Variants in CLVS1 observed in about 807,000 individuals in gnomAD.
CLVS1 encodes the protein clavesin 1.
CLVS1 carries 10 observed loss-of-function variants against 33.1 expected under a neutral mutation model. That is an observed-to-expected ratio of 0.30 (90% CI 0.19 to 0.51). CLVS1 has a LOEUF of 0.51. CLVS1 is among the 20% of genes least tolerant of loss of function. CLVS1 has a pLI of 0.97. For synonymous variants in CLVS1, 163 were observed against 166.1 expected (o/e 0.98, Z 0.14); for missense variants, 343 against 433.4 (o/e 0.79, Z 1.85).
chr8:61,238,089 C>T (rs573961350), intron 2 of CLVS1, among the ~76,000 whole-genome samples: 92 of 152,288 alleles, frequency 6.0e-4, no homozygotes, highest in Middle Eastern at 6.8e-3. Context: ...CACACCTCTT[C>T]CTGACACAGC....
intron 3 of CLVS1, among the ~76,000 whole-genome samples, chr8:61,413,047 A>G (rs1815294693): frequency 6.6e-6 from 1 of 152,004 alleles, no homozygotes; most frequent in South Asian, 2.1e-4. Context: ...TTTTGATTTA[A>G]TCTATGTATG....
intron 2 of CLVS1, among the ~76,000 whole-genome samples, chr8:61,166,874 T>A (rs1806876567): frequency 1.2e-5 from 1 of 85,114 alleles, no homozygotes; most frequent in Non-Finnish European, 2.5e-5. Flanking sequence ...TAGGTCATAA[T>A]TTTTTTCTTT....
At chr8:61,382,621 T>C (rs1453906052) in intron 3 of CLVS1, among the ~76,000 whole-genome samples, 1 of 152,210 alleles carries the variant, frequency 6.6e-6, no homozygotes, top group African/African-American at 2.4e-5. Context: ...TAGAACGTGA[T>C]GGATATCAAC....
chr8:61,205,364 G>T (rs62525830), intron 2 of CLVS1, among the ~76,000 whole-genome samples: 5 of 152,070 alleles, frequency 3.3e-5, no homozygotes, highest in Non-Finnish European at 7.4e-5. Context: ...TCACATCAAT[G>T]GAATCATACA....
chr8:61,491,924 T>C lies in CLVS1; in HGVS notation c.978-7531T>C, dbSNP rs558181787. ...CCAGTTAGAATTTAAATAACAACAG[T>C]GATACTAAGGACATGGGTCTCCTAT... is the stretch of plus-strand genomic sequence containing the variant. On this transcript the variant is annotated intron_variant, in intron 5 of 5. Coordinates refer to ENST00000325897, the MANE Select transcript of CLVS1 (RefSeq NM_173519.3). 3.4e-4 allele frequency among the ~76,000 whole-genome samples: 52 copies of C among 152,144 alleles called. 1 individual carries two copies. The highest frequency in any genetic ancestry group is 6.3e-4 in the Non-Finnish European group (43 of 68,034).
At chr8:61,350,137 T>C (rs1812390413) in intron 2 of CLVS1, among the ~76,000 whole-genome samples, 1 of 152,148 alleles carries the variant, frequency 6.6e-6, no homozygotes, top group African/African-American at 2.4e-5. Context: ...TTGTACATGC[T>C]TGTTAGATGT....
intron 2 of CLVS1, among the ~76,000 whole-genome samples, chr8:61,310,267 C>CA (rs1810786661): frequency 6.6e-6 from 1 of 152,098 alleles, no homozygotes; most frequent in South Asian, 2.1e-4. Context: ...TAAAAGCAAA[C>CA]AATATTGAGT....
rs1810593000 is a variant in CLVS1 at position 61,305,571 on chromosome 8, C to T, written c.455+5289C>T. On this transcript the variant is annotated intron_variant, in intron 2 of 5. Transcript: ENST00000325897. ...ATAAACTCTATTTTCTCTTTTTTAA[C>T]TTTTAAGTTCAGGTACATGTGCAGG... Among the ~76,000 whole-genome samples the T allele has an allele frequency of 2.6e-5, 4 of 151,992 alleles. No individual in the cohort carries two copies. The South Asian group carries it at 8.3e-4, about 32-fold the overall frequency.
At chr8:61,339,667 G>C (rs976458603) in intron 2 of CLVS1, among the ~76,000 whole-genome samples, 1 of 151,756 alleles carries the variant, frequency 6.6e-6, no homozygotes, top group East Asian at 1.9e-4. Context: ...GTAACCCTCA[G>C]GCAAGCTGAT....
upstream of CLVS1, among the ~76,000 whole-genome samples, chr8:61,054,827 A>T (rs989273230): frequency 2.6e-5 from 4 of 152,168 alleles, no homozygotes; most frequent in African/African-American, 9.7e-5. Flanking sequence ...CACACCGATA[A>T]GGATAAAATA....
intron 2 of CLVS1, among the ~76,000 whole-genome samples, chr8:61,270,248 T>C (rs1176849510): frequency 6.6e-6 from 1 of 152,040 alleles, no homozygotes; most frequent in African/African-American, 2.4e-5. Context: ...TGTCAAAGGC[T>C]TTTTCTGCAT....
chr8:61,339,922 T>G (rs909679282), intron 2 of CLVS1, among the ~76,000 whole-genome samples: 17 of 94,782 alleles, frequency 1.8e-4, no homozygotes, highest in South Asian at 1.3e-3. Context: ...AGAAAGAGAG[T>G]GAAAGAAAGA....
chr8:61,307,010 TCCTA>T (rs1480957080), intron 2 of CLVS1, among the ~76,000 whole-genome samples: 1 of 152,200 alleles, frequency 6.6e-6, no homozygotes, highest in Non-Finnish European at 1.5e-5. Flanking sequence ...GTTTTAGTGA[TCCTA>T]CCTATTATGT....
intron 2 of CLVS1, chr8:61,202,946 C>G: frequency 7.0e-7 from 1 of 1,435,764 alleles, no homozygotes; most frequent in Non-Finnish European, 9.7e-7. Context: ...GATACTCCAG[C>G]CAAAAATGCA....
At chr8:61,442,302 G>A (rs1816581512) in intron 3 of CLVS1, among the ~76,000 whole-genome samples, 3 of 152,288 alleles carry the variant, frequency 2.0e-5, no homozygotes, top group Admixed American at 1.3e-4. Context: ...GCCAAGCAGT[G>A]TTCCATGGTC....
At chr8:61,236,082 GCC>G (rs1396588613) in intron 2 of CLVS1, among the ~76,000 whole-genome samples, 2 of 152,162 alleles carry the variant, frequency 1.3e-5, no homozygotes, top group Non-Finnish European at 2.9e-5. Context: ...AGCAAAGTCT[GCC>G]AGTAATGAGT....
At chr8:61,188,132 G>A (rs961697776) in intron 2 of CLVS1, among the ~76,000 whole-genome samples, 1 of 152,072 alleles carries the variant, frequency 6.6e-6, no homozygotes, top group African/African-American at 2.4e-5. Context: ...AAAATTAGCT[G>A]AGAATTTGAA....
intron 3 of CLVS1, among the ~76,000 whole-genome samples, chr8:61,415,670 C>T (rs138884086): frequency 3.9e-5 from 6 of 151,954 alleles, no homozygotes; most frequent in Non-Finnish European, 5.9e-5. Flanking sequence ...GCATCTTCCA[C>T]GGGTGCCGGT....
chr8:61,246,569 C>T (rs982685173), intron 2 of CLVS1, among the ~76,000 whole-genome samples: 1 of 152,036 alleles, frequency 6.6e-6, no homozygotes, highest in Non-Finnish European at 1.5e-5. Flanking sequence ...ATTACTTAGA[C>T]TTATCCATAT....
Sources: allele counts gnomAD v4.1 joint callset (sites outside exome capture counted in the v4.1 genomes callset), GRCh38; gene constraint gnomAD v4.1.1; transcripts MANE v1.5; gene names NCBI Gene and HGNC (gene_info 2026-07-23, HGNC 2026-07-21).